Variants in GAD2 observed in about 807,000 individuals in gnomAD.
GAD2 encodes glutamate decarboxylase 2, also known as 65 kDa glutamic acid decarboxylase.
Under a neutral mutation model 80.1 loss-of-function variants are expected in GAD2, and 22 were observed. The ratio of observed to expected loss-of-function variants is 0.27; its 90% CI spans 0.20 to 0.39. The LOEUF is 0.39. Ranked by LOEUF, GAD2 falls within the 10% of genes least tolerant of loss-of-function variation. The pLI, the probability that GAD2 is intolerant of heterozygous loss-of-function variation, is 1.00. For synonymous variants in GAD2, 274 were observed against 256.9 expected (o/e 1.07, Z -0.64); for missense variants, 624 against 738.4 (o/e 0.85, Z 1.80).
At chr10:26,251,710 T>C (rs998936569) in intron 8 of GAD2, among the ~76,000 whole-genome samples, 1 of 152,254 alleles carries the variant, frequency 6.6e-6, no homozygotes, top group African/African-American at 2.4e-5. Flanking sequence ...ATGCATCAGA[T>C]TAACCTTGCA....
intron 12 of GAD2, among the ~76,000 whole-genome samples, chr10:26,283,952 T>C (rs1002896635): frequency 6.6e-6 from 1 of 152,170 alleles, no homozygotes; most frequent in Non-Finnish European, 1.5e-5. Flanking sequence ...AACATCTGAC[T>C]TGGGTTCAAT....
At chr10:26,258,081 C>G (rs1045014664) in intron 8 of GAD2, among the ~76,000 whole-genome samples, 9 of 152,178 alleles carry the variant, frequency 5.9e-5, no homozygotes, top group African/African-American at 2.2e-4. Flanking sequence ...ATAATAACAG[C>G]TGACACTGAT....
intron 11 of GAD2, among the ~76,000 whole-genome samples, chr10:26,280,075 G>A (rs1845254979): frequency 6.6e-6 from 1 of 152,218 alleles, no homozygotes; most frequent in African/African-American, 2.4e-5. Context: ...ACTGGCCAAA[G>A]GAGGGACCCT....
In GAD2 at chr10:26,217,554, G is replaced by A; in HGVS notation, c.77-56G>A. 1.3e-6 allele frequency: 2 copies of A among 1,537,292 alleles called. No homozygotes were observed. The highest frequency in any genetic ancestry group is 1.2e-5 in the South Asian group (1 of 85,356). On this transcript the variant is annotated intron_variant, in intron 1 of 15. Transcript: ENST00000376261. This position sits in a 1 kb window ranked among gnomAD's most constrained non-coding sequence, Gnocchi z 4.9. ...TTTCACATAGAACGAAATTTCACAC[G>A]TCCGTCTGTTGTTCTCTTTCTGCCT...
rs1465545574 is a variant in GAD2, at chr10:26,239,001, G to A, written c.841-6920G>A. On this transcript the variant is annotated intron_variant, in intron 7 of 15. Coordinates refer to ENST00000376261, the MANE Select transcript of GAD2 (RefSeq NM_001134366.2). ...GGATGGTGGGGTGGGGGGTGGTCAGGAAGCATGAGGAAGGGTCAAATGGGC... is the reference window on the plus strand; with the variant it reads ...GGATGGTGGGGTGGGGGGTGGTCAGAAAGCATGAGGAAGGGTCAAATGGGC... Among the ~76,000 whole-genome samples, 5 of 152,124 alleles carry A rather than the reference G, an allele frequency of 3.3e-5. No individual in the cohort carries two copies. In the East Asian group the frequency reaches 9.6e-4, roughly 29 times the overall value.
intron 4 of GAD2, 93 bp downstream of exon 4, chr10:26,219,369 G>T (rs1844425572): frequency 1.2e-6 from 1 of 822,990 alleles, no homozygotes; most frequent in African/African-American, 1.7e-5. Flanking sequence ...TGGAGTTACT[G>T]ATATTTTCAA....
rs1834325283 is a variant in GAD2 at position 26,301,085 on chromosome 10, G to GT, written c.*127dup. On this transcript the variant is annotated 3_prime_UTR_variant, in exon 16 of 16. Transcript: ENST00000376261. ...TTCTATATTGTGGTGTCAAAGTAGA[G>GT]TTTAAAAATTAAACAAAAAAGACAT... The GT allele has an allele frequency of 1.2e-6, 1 of 822,910 alleles. No individual in the cohort carries two copies. The highest frequency in any genetic ancestry group is 1.7e-5 in the African/African-American group (1 of 58,590). The allele number at this position is 822,910 out of a possible 1,614,324, so 51.0% of individuals were successfully genotyped here. A position where few individuals can be genotyped will look rare whatever the true frequency, so the allele number is the denominator to read the frequency against.
chr10:26,254,377 A>G (rs1038038452), intron 8 of GAD2, among the ~76,000 whole-genome samples: 1 of 152,208 alleles, frequency 6.6e-6, no homozygotes, highest in South Asian at 2.1e-4. Flanking sequence ...TCCTGCTCCT[A>G]TGAGAATCTA....
At chr10:26,289,239 A>G (rs1260450504) in intron 13 of GAD2, among the ~76,000 whole-genome samples, 1 of 152,160 alleles carries the variant, frequency 6.6e-6, no homozygotes, top group African/African-American at 2.4e-5. Context: ...AAGAGCCATG[A>G]AAGAGTTGGC....
At chr10:26,255,702 AAAGG>A (rs146125674) in intron 8 of GAD2, among the ~76,000 whole-genome samples, 1,722 of 151,692 alleles carry the variant, frequency 0.011, 29 homozygotes, top group African/African-American at 0.04. Flanking sequence ...AGGAATGAAG[AAAGG>A]AAGGAAGGAA....
intron 8 of GAD2, among the ~76,000 whole-genome samples, chr10:26,247,738 A>G (rs886849999): frequency 4.6e-5 from 7 of 152,044 alleles, no homozygotes; most frequent in African/African-American, 1.7e-4. Context: ...TCTACTAAAA[A>G]TACAAAAATT....
intron 6 of GAD2, 37 bp downstream of exon 6, chr10:26,224,688 C>A: frequency 6.9e-7 from 1 of 1,444,810 alleles, no homozygotes; most frequent in Non-Finnish European, 9.7e-7. Context: ...GTTTTTTCTT[C>A]TAATATGCAA....
upstream of GAD2, chr10:26,216,400 T>C (rs1844369168): frequency 6.3e-6 from 1 of 157,698 alleles, no homozygotes; most frequent in African/African-American, 2.4e-5. This position sits in a 1 kb window ranked among gnomAD's most constrained non-coding sequence, Gnocchi z 4.7. Flanking sequence ...GTGCATGGTC[T>C]GCCTCGCATC....
At chr10:26,290,316 A>C (rs1834199169) in intron 13 of GAD2, among the ~76,000 whole-genome samples, 1 of 152,234 alleles carries the variant, frequency 6.6e-6, no homozygotes, top group Non-Finnish European at 1.5e-5. Context: ...AAAGAAATCC[A>C]GACACATCTG....
At chr10:26,242,956 T>C (rs1844761460) in intron 7 of GAD2, among the ~76,000 whole-genome samples, 1 of 152,152 alleles carries the variant, frequency 6.6e-6, no homozygotes, top group Admixed American at 6.5e-5. Context: ...GCTGGCTGTC[T>C]CTTCCCTTCT....
chr10:26,299,767 T>A (rs1282659697), intron 15 of GAD2, among the ~76,000 whole-genome samples: 1 of 152,206 alleles, frequency 6.6e-6, no homozygotes, highest in African/African-American at 2.4e-5. Context: ...TCATGGATGA[T>A]ATGTTTACAG....
chr10:26,294,400 C>G (rs933417890), intron 15 of GAD2, among the ~76,000 whole-genome samples: 4 of 152,214 alleles, frequency 2.6e-5, no homozygotes, highest in African/African-American at 7.2e-5. Context: ...GAGGAAACTT[C>G]CATATGGCTG....
At chr10:26,257,246 G>T (rs918900212) in intron 8 of GAD2, among the ~76,000 whole-genome samples, 5 of 152,022 alleles carry the variant, frequency 3.3e-5, no homozygotes, top group African/African-American at 7.3e-5. Flanking sequence ...GCATGGTGGT[G>T]GGCACCTGTA....
intron 8 of GAD2, among the ~76,000 whole-genome samples, chr10:26,251,056 C>CTT (rs60993936): frequency 1.1e-4 from 13 of 119,828 alleles, no homozygotes; most frequent in Non-Finnish European, 1.6e-4. Flanking sequence ...TTTTTTTTTG[C>CTT]TTTTTTTTTT....
Sources: gnomAD v4.1 joint callset for allele counts (sites outside exome capture counted in the v4.1 genomes callset) on GRCh38, gnomAD v4.1.1 for gene constraint, Gnocchi (gnomAD v3.1) non-coding constraint, MANE v1.5 for transcripts, NCBI Gene and HGNC (gene_info 2026-07-23, HGNC 2026-07-21) for gene names.